CALY: variants seen among roughly 807,000 people sequenced by gnomAD.
The protein encoded by CALY is calcyon neuron specific vesicular protein.
In CALY, 15 loss-of-function variants were observed where a neutral mutation model predicts 20.2. The ratio of observed to expected loss-of-function variants is 0.74; its 90% CI spans 0.50 to 1.14. CALY has a LOEUF of 1.14. Ranked by LOEUF, CALY falls within the 50% of genes most tolerant of loss-of-function variation. The pLI is 0.00. For missense variants in CALY, 270 were observed against 304.4 expected (o/e 0.89, Z 0.84); for synonymous variants, 129 against 131.8 (o/e 0.98, Z 0.15).
intron 1 of CALY, among the ~76,000 whole-genome samples, chr10:133,333,650 A>G (rs1848361541): frequency 8.5e-6 from 1 of 117,360 alleles, no homozygotes; most frequent in East Asian, 2.9e-4. Flanking sequence ...TGAGAGTGGA[A>G]GGCTCTGAGG....
In CALY at chr10:133,336,143, G is replaced by A. The variant is rs555253444; in HGVS notation, c.-21+691C>T. On this transcript the variant is annotated intron_variant, in intron 1 of 5. Coordinates refer to ENST00000252939, the MANE Select transcript of CALY (RefSeq NM_015722.4). The stretch of plus-strand genomic sequence containing the variant: ...GCGCCACCGCAGCCTCCCGCCCCTG[G>A]CGCTGCAGGGGGCTGTGGCTGCCCC... Among the ~76,000 whole-genome samples, 9 of 152,256 alleles carry A rather than the reference G, an allele frequency of 5.9e-5. No homozygotes were observed. The South Asian group carries it at 1.9e-3, about 32-fold the overall frequency.
chr10:133,326,506 T>TAA (rs998740721), intron 4 of CALY, among the ~76,000 whole-genome samples: 2 of 145,908 alleles, frequency 1.4e-5, no homozygotes, highest in East Asian at 2.0e-4. Flanking sequence ...CAAAGAGATT[T>TAA]AAAAAAAAAA....
At chr10:133,335,312 C>T (rs1278367809) in intron 1 of CALY, among the ~76,000 whole-genome samples, 1 of 152,156 alleles carries the variant, frequency 6.6e-6, no homozygotes, top group Non-Finnish European at 1.5e-5. Flanking sequence ...GGGCCCGCAG[C>T]GCCATAGGGT....
rs567271445 is a variant in CALY at position 133,324,145 on chromosome 10, C to T, written c.*1450G>A. 78 of 319,200 alleles carry T rather than the reference C, an allele frequency of 2.4e-4. 1 individual carries two copies. The Admixed American group carries it at 3.2e-3, about 13-fold the overall frequency. The allele number at this position is 319,200 out of a possible 1,614,324, so 19.8% of individuals were successfully genotyped here. A position where few individuals can be genotyped will look rare whatever the true frequency, so the allele number is the denominator to read the frequency against. ...CCCTGCCCCCATATATCCCAGCTGA[C>T]GCCCCAGGCCCCGGGCCCCCCTCCC... On this transcript the variant is annotated 3_prime_UTR_variant, in exon 6 of 6. Coordinates refer to ENST00000252939, the MANE Select transcript of CALY (RefSeq NM_015722.4).
chr10:133,326,205 G>A (rs1304904942), intron 4 of CALY, 85 bp from the exon 5 acceptor site: 4 of 1,553,902 alleles, frequency 2.6e-6, no homozygotes, highest in South Asian at 2.4e-5. Flanking sequence ...TGCGGTTGGG[G>A]ACACTGCGGA....
Position 133,326,128 on chromosome 10 carries a change from A to G in CALY, c.361-8T>C. On this transcript the variant is annotated splice_region_variant and splice_polypyrimidine_tract_variant and intron_variant, in intron 4 of 5. Transcript: ENST00000252939. ...CGGCGTGCAGATCTTGTGCTGCGGG[A>G]GGGGCCGGGTCAGGGTCGGTGGGGC... 1 of 1,592,166 alleles carries G rather than the reference A, an allele frequency of 6.3e-7. No homozygotes were observed. Among genetic ancestry groups the G allele is most frequent in the Non-Finnish European group, 8.6e-7 (1 of 1,165,936 alleles).
chr10:133,335,547 C>G (rs1829818261), intron 1 of CALY, among the ~76,000 whole-genome samples: 1 of 152,226 alleles, frequency 6.6e-6, no homozygotes, highest in Non-Finnish European at 1.5e-5. Context: ...ACTGGAGCCT[C>G]GCTTCTGGTT....
chr10:133,328,223 C>T (rs1454284493), intron 2 of CALY, among the ~76,000 whole-genome samples: 10 of 152,182 alleles, frequency 6.6e-5, no homozygotes, highest in South Asian at 2.1e-4. Context: ...GTCTGCTGGG[C>T]GCATGGCAGC....
intron 2 of CALY, among the ~76,000 whole-genome samples, chr10:133,328,293 G>A (rs1848247149): frequency 6.6e-6 from 1 of 152,308 alleles, no homozygotes; most frequent in African/African-American, 2.4e-5. Context: ...TTCAACTCAG[G>A]GTGCTGGAGA....
At chr10:133,334,990 C>T (rs1049534086) in intron 1 of CALY, among the ~76,000 whole-genome samples, 11 of 152,122 alleles carry the variant, frequency 7.2e-5, no homozygotes, top group Non-Finnish European at 1.6e-4. Context: ...ACTCGGCGGG[C>T]GAGGTTTCAC....
rs558701716 is a variant in CALY, at chr10:133,324,170, C to T, written c.*1425G>A. The T allele has an allele frequency of 2.5e-4, 85 of 336,416 alleles. 1 individual carries two copies. The East Asian group carries it at 7.1e-3, about 28-fold the overall frequency. The allele number at this position is 336,416 out of a possible 1,614,324, so 20.8% of individuals were successfully genotyped here. A position where few individuals can be genotyped will look rare whatever the true frequency, so the allele number is the denominator to read the frequency against. ...CGCCCCAGGCCCCGGGCCCCCCTCC[C>T]TTGCAGGCCATCAGGGCCAATTCAG... On this transcript the variant is annotated 3_prime_UTR_variant, in exon 6 of 6. Coordinates refer to ENST00000252939, the MANE Select transcript of CALY (RefSeq NM_015722.4).
chr10:133,328,749 G>T (rs957680619), intron 2 of CALY, 106 bp downstream of exon 2: 41 of 1,235,584 alleles, frequency 3.3e-5, no homozygotes, highest in Non-Finnish European at 7.6e-6. Context: ...TCATCTGTTT[G>T]CTCTACTGCA....
rs756457099 is a variant in CALY at position 133,327,357 on chromosome 10, C to G, written c.247-366G>C. On this transcript the variant is annotated intron_variant, in intron 3 of 5. Transcript: ENST00000252939. ...TCGGAGGCTGCACTCACCAGGCCTC[C>G]CAGGTGACTGCCCACAGTGGGTGCA... The G allele has an allele frequency of 5.4e-4, 266 of 491,478 alleles. 3 individuals are homozygous for G. The highest frequency in any genetic ancestry group is 5.3e-3 in the Middle Eastern group (10 of 1,874). The allele number at this position is 491,478 out of a possible 1,614,324, so 30.4% of individuals were successfully genotyped here.
intron 1 of CALY, 142 bp from the exon 2 acceptor site, chr10:133,329,151 G>C (rs1210313977): frequency 2.9e-6 from 2 of 696,406 alleles, no homozygotes; most frequent in African/African-American, 3.6e-5. Context: ...GGTCAGGCCA[G>C]CCTCCTTGGA....
At chr10:133,331,155 G>A (rs1448400012) in intron 1 of CALY, among the ~76,000 whole-genome samples, 4 of 152,154 alleles carry the variant, frequency 2.6e-5, no homozygotes, top group Non-Finnish European at 5.9e-5. Context: ...GGCAGGAGGC[G>A]AGTGCTGTAA....
chr10:133,331,867 G>A (rs542699832), intron 1 of CALY, among the ~76,000 whole-genome samples: 3 of 152,274 alleles, frequency 2.0e-5, no homozygotes, highest in East Asian at 1.9e-4. Flanking sequence ...AGTGGCTCAC[G>A]CCTGTAGTCC....
chr10:133,327,112 C>T (rs912245778), intron 3 of CALY, 121 bp from the exon 4 acceptor site: 2 of 700,540 alleles, frequency 2.9e-6, no homozygotes, highest in South Asian at 1.7e-5. Flanking sequence ...GCCCCACCCC[C>T]GCCCTGGGCA....
chr10:133,328,949 T>C lies in CALY; in HGVS notation c.41A>G (p.Lys14Arg). Residue 14 changes from lysine to arginine, a missense_variant, in exon 2 of 6, where the codon AAA (lysine) becomes AGA (arginine). By Grantham distance (26) the Lys-to-Arg change is conservative. Coordinates refer to ENST00000252939, the MANE Select transcript of CALY (RefSeq NM_015722.4). Reference protein sequence around the residue: ...LGCSFSGKPGKDPGDQDGAAM... With the variant: ...LGCSFSGKPGRDPGDQDGAAM... ...AGCCCCATCCTGGTCCCCAGGGTCT[T>C]TACCTGGCTTCCCAGAGAAGCTGCA... 6.4e-7 allele frequency: 1 copy of C among 1,564,370 alleles called. No homozygotes were observed. Among genetic ancestry groups the C allele is most frequent in the Non-Finnish European group, 8.7e-7 (1 of 1,153,354 alleles).
chr10:133,329,404 TGAGACAGGATC>T (rs1848268394), intron 1 of CALY, among the ~76,000 whole-genome samples: 18 of 148,850 alleles, frequency 1.2e-4, no homozygotes, highest in Middle Eastern at 3.4e-3. Flanking sequence ...TTTTTTTTTT[TGAGACAGGATC>T]TTGTTTTGTG....
Sources: gnomAD v4.1 joint callset for allele counts (sites outside exome capture counted in the v4.1 genomes callset) on GRCh38, gnomAD v4.1.1 for gene constraint, MANE v1.5 for transcripts, NCBI Gene and HGNC (gene_info 2026-07-23, HGNC 2026-07-21) for gene names.